Variants in SLC25A14 observed in about 807,000 individuals in gnomAD.
The protein encoded by SLC25A14 is brain mitochondrial carrier protein 1.
Under a neutral mutation model 28.1 loss-of-function variants are expected in SLC25A14, and 8 were observed. The ratio of observed to expected loss-of-function variants is 0.28; its 90% CI spans 0.17 to 0.51. The LOEUF (loss-of-function observed/expected upper bound fraction) is 0.51. SLC25A14 is among the 20% of genes least tolerant of loss of function. The probability of loss-of-function intolerance (pLI) is 0.97; values close to 1 mark genes in which losing one functional copy is unlikely to be tolerated. For missense variants in SLC25A14, 135 were observed against 263.8 expected, an observed-to-expected ratio of 0.51 and a Z score of 3.38; for synonymous variants, 74 against 90.6, an observed-to-expected ratio of 0.82 and a Z score of 1.04.
chrX:130,369,048 A>G (rs919070496), intron 9 of SLC25A14, among the ~76,000 whole-genome samples: 8 of 112,537 alleles, frequency 7.1e-5, no homozygotes, highest in African/African-American at 2.6e-4. Context: ...TATCTATAGA[A>G]GTTCTTTGTT....
At chrX:130,358,112 A>G (rs189723642) in intron 6 of SLC25A14, among the ~76,000 whole-genome samples, 3 of 112,018 alleles carry the variant, frequency 2.7e-5, no homozygotes, top group Admixed American at 1.9e-4. Flanking sequence ...GGATATTTTT[A>G]AGTTTACATG....
chrX:130,360,487 TC>T (rs1365789378), intron 7 of SLC25A14, among the ~76,000 whole-genome samples: 1 of 111,575 alleles, frequency 9.0e-6, no homozygotes, highest in Non-Finnish European at 1.9e-5. Context: ...ATAAGTTTTT[TC>T]CCCCTCCTTT....
At chrX:130,348,792 C>T (rs868061788) in intron 4 of SLC25A14, among the ~76,000 whole-genome samples, 2 of 59,349 alleles carry the variant, frequency 3.4e-5, no homozygotes, top group Non-Finnish European at 3.1e-5. Flanking sequence ...CCCCCCCCCC[C>T]CTTTTTTTTT....
chrX:130,345,261 T>C lies in SLC25A14; in HGVS notation c.155T>C (p.Ile52Thr), dbSNP rs1163024491. 8.5e-7 allele frequency: 1 copy of C among 1,177,767 alleles called. No homozygotes were observed. ...KPFVYGGLASIVAEFGTFPVD... is the reference protein window; with the variant it reads ...KPFVYGGLASTVAEFGTFPVD... ...TTTGTATATGGCGGCCTTGCCTCTA[T>C]CGTGGCTGAGTTTGGTAAGAATGTG... The change falls in exon 3 of 11, where the codon ATC becomes ACC. Residue 52 changes from isoleucine to threonine, a missense_variant. Coordinates refer to ENST00000545805, the MANE Select transcript of SLC25A14 (RefSeq NM_001282195.2).
chrX:130,348,558 CT>C (rs1451848483), intron 4 of SLC25A14, among the ~76,000 whole-genome samples: 12 of 109,927 alleles, frequency 1.1e-4, no homozygotes, highest in Non-Finnish European at 1.5e-4. Flanking sequence ...TTATTTGCAT[CT>C]TCTGTCTTTT....
At chrX:130,348,560 T>C (rs760494290) in intron 4 of SLC25A14, among the ~76,000 whole-genome samples, 2 of 110,849 alleles carry the variant, frequency 1.8e-5, no homozygotes, top group African/African-American at 6.5e-5. Context: ...ATTTGCATCT[T>C]CTGTCTTTTT....
chrX:130,356,217 C>CTT (rs145822008), intron 6 of SLC25A14, among the ~76,000 whole-genome samples: 856 of 52,068 alleles, frequency 0.016, 92 homozygotes, highest in Non-Finnish European at 0.022. Context: ...CAAGGGCAAT[C>CTT]TTTTTTTTTT....
intron 10 of SLC25A14, 147 bp from the exon 11 acceptor site, chrX:130,372,762 G>T: frequency 2.0e-6 from 1 of 509,885 alleles, no homozygotes. Context: ...GCGCCCGGCT[G>T]TCAGGTGGTG....
chrX:130,365,808 T>C, intron 9 of SLC25A14, 132 bp downstream of exon 9: 1 of 490,377 alleles, frequency 2.0e-6, no homozygotes, highest in Non-Finnish European at 3.4e-6. Context: ...AGCTTCTCAG[T>C]TATTCCCAGG....
intron 3 of SLC25A14, among the ~76,000 whole-genome samples, chrX:130,345,724 T>C (rs983022508): frequency 1.1e-4 from 12 of 112,052 alleles, no homozygotes; most frequent in Non-Finnish European, 1.7e-4. Context: ...TTTGAAATAT[T>C]TTTAGATTGT....
At chrX:130,365,072 G>A in intron 8 of SLC25A14, 3 of 790,091 alleles carry the variant, frequency 3.8e-6, no homozygotes, top group Non-Finnish European at 4.5e-6. Context: ...GTTTGAGAAA[G>A]CAAACTTTTC....
chrX:130,358,447 A>G (rs1009909748), intron 6 of SLC25A14, among the ~76,000 whole-genome samples, 193 bp from the exon 7 acceptor site: 2 of 112,374 alleles, frequency 1.8e-5, no homozygotes, highest in Non-Finnish European at 3.8e-5. Flanking sequence ...TATAAAATAC[A>G]CTTTGACACA....
At chrX:130,372,442 G>A (rs1458116745) in intron 10 of SLC25A14, among the ~76,000 whole-genome samples, 1 of 87,063 alleles carries the variant, frequency 1.1e-5, no homozygotes, top group Non-Finnish European at 2.6e-5. Context: ...GACAGGTGGT[G>A]TTTTATTTAT....
chrX:130,358,852 ACTC>A, intron 7 of SLC25A14, 117 bp downstream of exon 7: 3 of 640,022 alleles, frequency 4.7e-6, no homozygotes, highest in Non-Finnish European at 7.3e-6. Context: ...AAGGTAAGAA[ACTC>A]CTCATCTCCC....
intron 10 of SLC25A14, among the ~76,000 whole-genome samples, 179 bp downstream of exon 10, chrX:130,371,823 T>A (rs1323069693): frequency 8.9e-6 from 1 of 111,813 alleles, no homozygotes; most frequent in Non-Finnish European, 1.9e-5. Flanking sequence ...TAATACAAAC[T>A]AAAAGGGATA....
chrX:130,369,363 A>G (rs1348409508), intron 9 of SLC25A14, among the ~76,000 whole-genome samples: 4 of 112,010 alleles, frequency 3.6e-5, no homozygotes, highest in Non-Finnish European at 7.5e-5. Flanking sequence ...CTCTTCAACA[A>G]ATACTTACGG....
intron 9 of SLC25A14, among the ~76,000 whole-genome samples, chrX:130,370,217 G>T (rs1281918021): frequency 8.9e-6 from 1 of 111,919 alleles, no homozygotes; most frequent in African/African-American, 3.2e-5. Flanking sequence ...TTTACTGTTT[G>T]TTCCCAAAAG....
At position 130,342,816 on chromosome X, in the gene SLC25A14, G is replaced by A. The variant is rs779756311; in HGVS notation, c.76-2366G>A. Among the ~76,000 whole-genome samples the A allele has an allele frequency of 2.7e-4, 29 of 108,698 alleles. 1 individual carries two copies. In the Middle Eastern group the frequency reaches 0.014, roughly 53 times the overall value. 94.4% of individuals were successfully genotyped at this position (108,698 alleles called of 115,157 possible). ...AGGCTAGTTAGCCTGTGCTCCAGGC[G>A]TAAGAAGAATCTGATCTGTTAATAA... On this transcript the variant is annotated intron_variant, in intron 2 of 10. Coordinates refer to ENST00000545805, the MANE Select transcript of SLC25A14 (RefSeq NM_001282195.2).
At chrX:130,361,069 T>G (rs2033951623) in intron 7 of SLC25A14, among the ~76,000 whole-genome samples, 2 of 112,525 alleles carry the variant, frequency 1.8e-5, no homozygotes, top group African/African-American at 6.5e-5. Flanking sequence ...TTACTTAGCA[T>G]GATGTTCTCA....
Sources: allele counts gnomAD v4.1 joint callset (sites outside exome capture counted in the v4.1 genomes callset), GRCh38; gene constraint gnomAD v4.1.1; transcripts MANE v1.5; gene names NCBI Gene and HGNC (gene_info 2026-07-23, HGNC 2026-07-21).